TMEM63A: variants seen among roughly 807,000 people sequenced by gnomAD.
TMEM63A encodes the protein mechanosensitive cation channel TMEM63A.
A neutral mutation model predicts 100.6 loss-of-function variants in TMEM63A; 76 were observed. The observed-to-expected ratio is 0.76, with a 90% CI of 0.63 to 0.91. TMEM63A has a LOEUF of 0.91. Among genes scored for constraint, TMEM63A ranks in the 40% least tolerant of loss-of-function variants. The pLI is 0.00. For missense variants in TMEM63A, 876 were observed against 1,008.8 expected, an observed-to-expected ratio of 0.87 and a Z score of 1.78; for synonymous variants, 401 against 401.1, an observed-to-expected ratio of 1.00 and a Z score of 0.00.
intron 8 of TMEM63A, 174 bp from the exon 9 acceptor site, chr1:225,866,856 C>A: frequency 2.9e-6 from 2 of 684,198 alleles, no homozygotes; most frequent in Non-Finnish European, 5.0e-6. Flanking sequence ...ACAGTGAATA[C>A]TTCAGAGGGG....
At chr1:225,874,400 ATTGG>A in intron 3 of TMEM63A, 33 bp from the exon 4 acceptor site, 1 of 1,588,408 alleles carries the variant, frequency 6.3e-7, no homozygotes, top group South Asian at 1.1e-5. Context: ...GTAAAAGCAT[ATTGG>A]ATGGCTTCTC....
chr1:225,860,854 G>T lies in TMEM63A; in HGVS notation c.1223+6C>A. 1 of 1,604,826 alleles carries T rather than the reference G, an allele frequency of 6.2e-7. No homozygotes were observed. The highest frequency in any genetic ancestry group is 8.5e-7 in the Non-Finnish European group (1 of 1,175,478). ...TCTCCCACCTCTCCTTGGTCTAGGAGCTTACCAGCAGATGTCCTCAGGGTC... is the reference window on the plus strand; with the variant it reads ...TCTCCCACCTCTCCTTGGTCTAGGATCTTACCAGCAGATGTCCTCAGGGTC... On this transcript the variant is annotated splice_donor_region_variant and intron_variant, in intron 14 of 24. Coordinates refer to ENST00000366835, the MANE Select transcript of TMEM63A (RefSeq NM_014698.3).
At chr1:225,872,861 T>C (rs1035188354) in intron 4 of TMEM63A, among the ~76,000 whole-genome samples, 26 of 151,824 alleles carry the variant, frequency 1.7e-4, no homozygotes, top group African/African-American at 6.3e-4. Context: ...GCCTGGCTAA[T>C]TTTTGTATTT....
chr1:225,855,671 G>C (rs539396265), intron 18 of TMEM63A, among the ~76,000 whole-genome samples: 11 of 152,326 alleles, frequency 7.2e-5, no homozygotes, highest in African/African-American at 2.6e-4. Flanking sequence ...ATTTCTGCAA[G>C]CATAGCACAA....
At position 225,862,809 on chromosome 1, in the gene TMEM63A, G is replaced by C. The variant is rs771589505; in HGVS notation, c.789C>G (p.Cys263Trp). 1.9e-6 allele frequency: 3 copies of C among 1,613,860 alleles called. No homozygotes were observed. The East Asian group carries it at 6.7e-5, about 36-fold the overall frequency. Residue 263 changes from cysteine to tryptophan, a missense_variant, in exon 11 of 25, where the codon TGC becomes TGG. Cys to Trp is a radical substitution (Grantham distance 215, BLOSUM62 -2). This residue lies in a region of TMEM63A where 487 missense variants were observed against 581.9 expected (regional missense o/e 0.84). Coordinates refer to ENST00000366835, the MANE Select transcript of TMEM63A (RefSeq NM_014698.3). The surrounding 1 kb of genome is among the most constrained non-coding windows in gnomAD (Gnocchi z 5.1). ...GGTAGATCAGTTTGGCCACGTTGTA[G>C]CACAGCTGCACATCAACCACCTCAC... ...PTCEVVDVQL[C>W]YNVAKLIYLC...
In TMEM63A at chr1:225,857,388, G is replaced by C. The variant is rs867827700; in HGVS notation, c.1378-371C>G. 1.9e-4 allele frequency among the ~76,000 whole-genome samples: 26 copies of C among 134,076 alleles called. 1 individual carries two copies. The highest frequency in any genetic ancestry group is 3.2e-4 in the Non-Finnish European group (20 of 62,874). The allele number at this position is 134,076 out of a possible 152,430, so 88.0% of individuals were successfully genotyped here. On this transcript the variant is annotated intron_variant, in intron 15 of 24. Transcript: ENST00000366835. ...CTGGAGTCCTGGCCGGCGGGGCGGGGGGGGGGGGGTGCCCTGCCTGCTCAG... is the reference window on the plus strand; with the variant it reads ...CTGGAGTCCTGGCCGGCGGGGCGGGCGGGGGGGGGTGCCCTGCCTGCTCAG...
intron 8 of TMEM63A, 137 bp from the exon 9 acceptor site, chr1:225,866,819 G>T: frequency 1.3e-6 from 1 of 793,898 alleles, no homozygotes. Flanking sequence ...CTCCCACAGA[G>T]GTTGTGTGGC....
At position 225,867,710 on chromosome 1, in the gene TMEM63A, T is replaced by C. The variant is rs1670283792; in HGVS notation, c.514+178A>G. Among the ~76,000 whole-genome samples, 1 of 152,138 alleles carries C rather than the reference T, an allele frequency of 6.6e-6. No homozygotes were observed. Among genetic ancestry groups the C allele is most frequent in the Admixed American group, 6.5e-5 (1 of 15,272 alleles). Reference sequence around the variant, plus strand: ...GACATTGATATTGGGGCCCCAGTTTTAGCCTAGGTTTGCTCCAGATCTTTA... The same window carrying C: ...GACATTGATATTGGGGCCCCAGTTTCAGCCTAGGTTTGCTCCAGATCTTTA... On this transcript the variant is annotated intron_variant, in intron 7 of 24. Transcript: ENST00000366835. The surrounding 1 kb of genome is among the most constrained non-coding windows in gnomAD (Gnocchi z 4.6).
chr1:225,845,767 T>A lies in TMEM63A; in HGVS notation c.*1172A>T. ...GGGCAGCTTGGAGCAGAGGCAGCAC[T>A]GGCCACCACTGCGGGGGCAAGTCAG... On this transcript the variant is annotated 3_prime_UTR_variant, in exon 25 of 25. Transcript: ENST00000366835. 3.3e-6 allele frequency: 1 copy of A among 300,686 alleles called. No homozygotes were observed. 18.6% of individuals were successfully genotyped at this position (300,686 alleles called of 1,614,324 possible). A position where few individuals can be genotyped will look rare whatever the true frequency, so the allele number is the denominator to read the frequency against.
Position 225,853,629 on chromosome 1 carries a change from C to A in TMEM63A, c.1797G>T (p.Gln599His). The A allele has an allele frequency of 6.4e-7, 1 of 1,560,956 alleles. No individual in the cohort carries two copies. The highest frequency in any genetic ancestry group is 8.7e-7 in the Non-Finnish European group (1 of 1,152,100). Residue 599 changes from glutamine to histidine, a missense_variant and splice_region_variant, in exon 19 of 25, where the codon CAG becomes CAT. Gln to His is a conservative substitution (Grantham distance 24, BLOSUM62 0). Around this residue, in one of 5 missense-constraint regions of TMEM63A, gnomAD observed 339 missense variants for 342.3 expected, o/e 0.99. Transcript: ENST00000366835. The surrounding 1 kb of genome is among the most constrained non-coding windows in gnomAD (Gnocchi z 4.0). ...KTAADRRNVK[Q>H]NQAFQYEFGA... ...CAGCCCTGGGCCCAGGGGATGGCAC[C>A]TGCTTGACATTCCTGCGGTCAGCAG...
intron 9 of TMEM63A, 108 bp downstream of exon 9, chr1:225,866,466 C>T (rs1360833848): frequency 1.0e-6 from 1 of 965,164 alleles, no homozygotes; most frequent in Non-Finnish European, 1.6e-6. Context: ...TGAGGCCCTC[C>T]CAGAGCTCAT....
At chr1:225,870,292 C>T (rs1466824979) in intron 6 of TMEM63A, among the ~76,000 whole-genome samples, 1 of 150,446 alleles carries the variant, frequency 6.6e-6, no homozygotes, top group Non-Finnish European at 1.5e-5. Context: ...GCGGAGGCTG[C>T]GGTGAGCCGA....
downstream of TMEM63A, chr1:225,845,379 C>T (rs781593410): frequency 6.5e-6 from 10 of 1,543,338 alleles, no homozygotes; most frequent in South Asian, 1.1e-4. Context: ...GCCACCTCCC[C>T]CCACAAGTGC....
At chr1:225,859,492 C>A (rs768859129) in intron 14 of TMEM63A, 143 bp from the exon 15 acceptor site, 27 of 981,322 alleles carry the variant, frequency 2.8e-5, no homozygotes, top group Admixed American at 5.7e-5. Context: ...ACAGAAAGAC[C>A]AAATCTTAGG....
chr1:225,842,772 C>T (rs1668538630), downstream of TMEM63A, among the ~76,000 whole-genome samples: 1 of 152,214 alleles, frequency 6.6e-6, no homozygotes, highest in South Asian at 2.1e-4. Flanking sequence ...GCAGCAGGCA[C>T]CACATTATTG....
chr1:225,867,811 C>T lies in TMEM63A; in HGVS notation c.514+77G>A. 7 of 1,581,244 alleles carry T rather than the reference C, an allele frequency of 4.4e-6. No homozygotes were observed. The highest frequency in any genetic ancestry group is 3.4e-5 in the South Asian group (3 of 87,032). Reference sequence around the variant, plus strand: ...GGGGCATGACTCCTGGGGTTCTGGTCTACCACAGTGAGCCCTTTCCCTAGG... The same window carrying T: ...GGGGCATGACTCCTGGGGTTCTGGTTTACCACAGTGAGCCCTTTCCCTAGG... On this transcript the variant is annotated intron_variant, in intron 7 of 24. Transcript: ENST00000366835. This position sits in a 1 kb window ranked among gnomAD's most constrained non-coding sequence, Gnocchi z 4.6.
At chr1:225,866,485 G>C in intron 9 of TMEM63A, 89 bp downstream of exon 9, 1 of 1,183,968 alleles carries the variant, frequency 8.4e-7, no homozygotes, top group Non-Finnish European at 1.2e-6. Flanking sequence ...ATTGCAGTCA[G>C]GGCCTGTGGC....
In TMEM63A at chr1:225,862,595, G is replaced by A. The variant is rs562636981; in HGVS notation, c.828-17C>T. 6.0e-5 allele frequency: 96 copies of A among 1,610,376 alleles called. No individual in the cohort carries two copies. Among genetic ancestry groups the A allele is most frequent in the Middle Eastern group, 5.5e-4 (3 of 5,426 alleles). On this transcript the variant is annotated splice_polypyrimidine_tract_variant and intron_variant, in intron 11 of 24. Transcript: ENST00000366835. The surrounding 1 kb of genome is among the most constrained non-coding windows in gnomAD (Gnocchi z 5.1). The stretch of plus-strand genomic sequence containing the variant: ...GTCTTCTTTCTGTAGGGGTGGGAGC[G>A]GGGGCACAAACCTCAGATTTAGAAT...
downstream of TMEM63A, among the ~76,000 whole-genome samples, chr1:225,844,829 C>A (rs4149227): frequency 0.04 from 6,108 of 152,210 alleles, 209 homozygotes; most frequent in East Asian, 0.15. Flanking sequence ...TCCCGGGCGG[C>A]CCTCAGTACC....
Sources: gnomAD v4.1 joint callset for allele counts (sites outside exome capture counted in the v4.1 genomes callset) on GRCh38, gnomAD v4.1.1 for gene constraint, gnomAD v4.1.1 regional missense constraint, Gnocchi (gnomAD v3.1) non-coding constraint, MANE v1.5 for transcripts, NCBI Gene and HGNC (gene_info 2026-07-23, HGNC 2026-07-21) for gene names.